KCNIP4: variants seen among roughly 807,000 people sequenced by gnomAD.
KCNIP4 encodes potassium voltage-gated channel interacting protein 4, also known as Kv channel-interacting protein 4.
A neutral mutation model predicts 34.0 loss-of-function variants in KCNIP4; 12 were observed. That is an observed-to-expected ratio of 0.35 (90% CI 0.23 to 0.57). The LOEUF (loss-of-function observed/expected upper bound fraction) is 0.57. Ranked by LOEUF, KCNIP4 falls within the 20% of genes least tolerant of loss-of-function variation. KCNIP4 has a pLI of 0.83. For missense variants in KCNIP4, 238 were observed against 311.7 expected (o/e 0.76, Z 1.78); for synonymous variants, 124 against 102.2 (o/e 1.21, Z -1.29).
intron 1 of KCNIP4, among the ~76,000 whole-genome samples, chr4:20,889,317 C>T (rs1411055223): frequency 5.9e-5 from 9 of 152,118 alleles, no homozygotes; most frequent in Admixed American, 5.9e-4. Flanking sequence ...AAACAAGGGA[C>T]TATAATTCTT....
chr4:21,578,567 T>C (rs1740942231), intron 1 of KCNIP4, among the ~76,000 whole-genome samples: 1 of 152,046 alleles, frequency 6.6e-6, no homozygotes, highest in Non-Finnish European at 1.5e-5. Flanking sequence ...AATTTAAATA[T>C]GGCATCCACC....
intron 1 of KCNIP4, among the ~76,000 whole-genome samples, chr4:21,665,193 C>A (rs572634721): frequency 6.3e-4 from 96 of 152,036 alleles, no homozygotes; most frequent in Non-Finnish European, 1.2e-3. Flanking sequence ...AGCCAGCATA[C>A]CCCCAAAGTT....
intron 3 of KCNIP4, among the ~76,000 whole-genome samples, chr4:20,849,427 A>G (rs4697192): frequency 0.23 from 34,492 of 152,166 alleles, 4,627 homozygotes; most frequent in East Asian, 0.4. Context: ...CTATAAAAAT[A>G]TTCTGCAGTG....
intron 1 of KCNIP4, among the ~76,000 whole-genome samples, chr4:21,258,176 A>T (rs1270978612): frequency 1.3e-5 from 2 of 152,200 alleles, no homozygotes; most frequent in African/African-American, 4.8e-5. Context: ...CCCACTTCAC[A>T]TACAAATATA....
At chr4:21,429,298 A>G (rs1375096509) in intron 1 of KCNIP4, among the ~76,000 whole-genome samples, 1 of 150,978 alleles carries the variant, frequency 6.6e-6, no homozygotes, top group Non-Finnish European at 1.5e-5. Context: ...AGGTCCCTCC[A>G]TTTCTTTTCA....
At chr4:21,507,462 G>T (rs965317148) in intron 1 of KCNIP4, among the ~76,000 whole-genome samples, 1 of 151,940 alleles carries the variant, frequency 6.6e-6, no homozygotes, top group African/African-American at 2.4e-5. Context: ...TGACCGTGTT[G>T]CCCAGGCTGG....
intron 1 of KCNIP4, among the ~76,000 whole-genome samples, chr4:21,432,958 C>G: frequency 6.6e-6 from 1 of 151,964 alleles, no homozygotes; most frequent in East Asian, 1.9e-4. Flanking sequence ...AATTCTGAAA[C>G]AAGGTCTCTT....
intron 1 of KCNIP4, chr4:20,916,392 T>C (rs985156687): frequency 6.1e-6 from 6 of 976,218 alleles, no homozygotes; most frequent in Non-Finnish European, 6.1e-6. Flanking sequence ...ATTTTTCTCA[T>C]GAGATTTTCA....
intron 1 of KCNIP4, among the ~76,000 whole-genome samples, chr4:21,188,839 G>T (rs1364839): frequency 0.11 from 17,431 of 152,132 alleles, 1,099 homozygotes; most frequent in East Asian, 0.2. Flanking sequence ...ATCTCTAACA[G>T]CAGGGGTCCT....
chr4:21,045,481 G>A (rs1335555089), intron 1 of KCNIP4, among the ~76,000 whole-genome samples: 1 of 152,106 alleles, frequency 6.6e-6, no homozygotes, highest in Non-Finnish European at 1.5e-5. Flanking sequence ...TCTTTCATTA[G>A]CTTTTACTTA....
intron 1 of KCNIP4, among the ~76,000 whole-genome samples, chr4:21,740,983 G>A (rs552988037): frequency 6.6e-6 from 1 of 152,154 alleles, no homozygotes; most frequent in African/African-American, 2.4e-5. Flanking sequence ...ACCAAAAAGA[G>A]GGAGAGAAAA....
rs373175123 is a variant in KCNIP4, at chr4:21,313,116, T to A, written c.62-430407A>T. ...AAAAGTAACAAAAGACACAAAGTTGTCTGATGCATAATTCACTTATTATGA... is the reference window on the plus strand; with the variant it reads ...AAAAGTAACAAAAGACACAAAGTTGACTGATGCATAATTCACTTATTATGA... On this transcript the variant is annotated intron_variant, in intron 1 of 8. Transcript: ENST00000382152. Among the ~76,000 whole-genome samples the A allele has an allele frequency of 3.7e-4, 57 of 152,358 alleles. No homozygotes were observed. The East Asian group carries it at 6.5e-3, about 17-fold the overall frequency.
chr4:20,797,203 T>C (rs1713590991), intron 3 of KCNIP4, among the ~76,000 whole-genome samples: 1 of 152,228 alleles, frequency 6.6e-6, no homozygotes, highest in Admixed American at 6.5e-5. Flanking sequence ...CTATCTGCTA[T>C]AGAAGCTATT....
At position 21,411,929 on chromosome 4, in the gene KCNIP4, AT is replaced by A. The variant is rs199838115; in HGVS notation, c.62-529221del. Among the ~76,000 whole-genome samples, 57 of 152,238 alleles carry A rather than the reference AT, an allele frequency of 3.7e-4. No homozygotes were observed. In the East Asian group the frequency reaches 7.9e-3, roughly 21 times the overall value. On this transcript the variant is annotated intron_variant, in intron 1 of 8. Coordinates refer to ENST00000382152, the MANE Select transcript of KCNIP4 (RefSeq NM_025221.6). Reference sequence around the variant, plus strand: ...TTAAAATCTTGCCCTCTGTTCATTCATTTTCATCATAAAGCTCCTTCTAGCA... The same window carrying A: ...TTAAAATCTTGCCCTCTGTTCATTCATTTCATCATAAAGCTCCTTCTAGCA...
chr4:21,649,645 T>C (rs1747317059), intron 1 of KCNIP4, among the ~76,000 whole-genome samples: 1 of 152,200 alleles, frequency 6.6e-6, no homozygotes, highest in African/African-American at 2.4e-5. Context: ...ATTTATGTCT[T>C]GTTCCTTTTA....
chr4:21,000,704 G>C (rs1000973252), intron 1 of KCNIP4, among the ~76,000 whole-genome samples: 2 of 151,850 alleles, frequency 1.3e-5, no homozygotes, highest in African/African-American at 4.8e-5. Context: ...AAAAAAAAAA[G>C]ATAAAATCCC....
intron 1 of KCNIP4, among the ~76,000 whole-genome samples, chr4:21,754,200 C>T (rs1464869243): frequency 6.6e-6 from 1 of 152,126 alleles, no homozygotes; most frequent in Admixed American, 6.6e-5. Flanking sequence ...CAGGTTTCTG[C>T]TCAACTGTCA....
chr4:21,432,120 A>ATATATATATATC (rs2109669882), intron 1 of KCNIP4, among the ~76,000 whole-genome samples: 1 of 114,902 alleles, frequency 8.7e-6, no homozygotes, highest in South Asian at 2.7e-4. Flanking sequence ...ATATATATAT[A>ATATATATATATC]TATATATATA....
rs1202086938 is a variant in KCNIP4 at position 21,291,935 on chromosome 4, GAAAA to G, written c.62-409230_62-409227del. Among the ~76,000 whole-genome samples, 19 of 74,210 alleles carry G rather than the reference GAAAA, an allele frequency of 2.6e-4. 1 individual carries two copies. The highest frequency in any genetic ancestry group is 1.1e-3 in the East Asian group (3 of 2,850). 48.7% of individuals were successfully genotyped at this position (74,210 alleles called of 152,430 possible). A position where few individuals can be genotyped will look rare whatever the true frequency, so the allele number is the denominator to read the frequency against. ...AGAAAGAAAGAAAGAAAGAAAGAAA[GAAAA>G]AAAAAGAAAAAAGTCTGATGAATAA... On this transcript the variant is annotated intron_variant, in intron 1 of 8. Transcript: ENST00000382152.
Sources: allele counts gnomAD v4.1 joint callset (sites outside exome capture counted in the v4.1 genomes callset), GRCh38; gene constraint gnomAD v4.1.1; transcripts MANE v1.5; gene names NCBI Gene and HGNC (gene_info 2026-07-23, HGNC 2026-07-21).